TEC: variants seen among roughly 807,000 people sequenced by gnomAD.
TEC encodes tec protein tyrosine kinase.
TEC carries 72 observed loss-of-function variants against 93.0 expected under a neutral mutation model. The ratio of observed to expected loss-of-function variants is 0.77; its 90% confidence interval spans 0.64 to 0.94. The LOEUF (loss-of-function observed/expected upper bound fraction) is 0.94, where lower values mean the gene tolerates loss of function less well. Ranked by LOEUF, TEC falls within the 40% of genes least tolerant of loss-of-function variation. The pLI, the probability that TEC is intolerant of heterozygous loss-of-function variation, is 0.00. For synonymous variants in TEC, 249 were observed against 247.7 expected, an observed-to-expected ratio of 1.01 and a Z score of -0.05; for missense variants, 630 against 757.9, an observed-to-expected ratio of 0.83 and a Z score of 1.98.
intron 2 of TEC, among the ~76,000 whole-genome samples, chr4:48,178,568 C>T (rs1474086948): frequency 6.6e-6 from 1 of 152,104 alleles, no homozygotes; most frequent in East Asian, 1.9e-4. Flanking sequence ...TGAAAGGGTA[C>T]ATTTTGGGTA....
Position 48,137,384 on chromosome 4 carries a change from T to C in TEC, c.*32A>G, listed in dbSNP as rs1467308697. 3 of 1,578,294 alleles carry C rather than the reference T, an allele frequency of 1.9e-6. No homozygotes were observed. The highest frequency in any genetic ancestry group is 2.6e-6 in the Non-Finnish European group (3 of 1,150,038). The stretch of plus-strand genomic sequence containing the variant: ...CAAAATGCCCATCCTTCCTTGTGCT[T>C]GGGAATCTGGGAGCCACTGGTCACA... On this transcript the variant is annotated 3_prime_UTR_variant, in exon 18 of 18. Coordinates refer to ENST00000381501, the MANE Select transcript of TEC (RefSeq NM_003215.3).
chr4:48,192,005 A>T (rs1722109736), intron 2 of TEC, among the ~76,000 whole-genome samples: 1 of 152,214 alleles, frequency 6.6e-6, no homozygotes, highest in Admixed American at 6.5e-5. Context: ...ATGCTAGATA[A>T]TGCACTAAGC....
chr4:48,235,903 G>GT (rs1723769986), intron 1 of TEC, among the ~76,000 whole-genome samples: 2 of 152,102 alleles, frequency 1.3e-5, no homozygotes, highest in African/African-American at 4.8e-5. Context: ...ACATCACAAG[G>GT]TAAGAATAAG....
Position 48,182,877 on chromosome 4 carries a change from G to A in TEC, c.139-6691C>T, listed in dbSNP as rs568719070. On this transcript the variant is annotated intron_variant, in intron 2 of 17. Coordinates refer to ENST00000381501, the MANE Select transcript of TEC (RefSeq NM_003215.3). ...TATACAAATAACCAGGCTGGTCTCA[G>A]GTGATCTGAGAAGTCATTTATCTCA... Among the ~76,000 whole-genome samples the A allele has an allele frequency of 3.3e-5, 5 of 152,268 alleles. No individual in the cohort carries two copies. The South Asian group carries it at 1.0e-3, about 32-fold the overall frequency.
At chr4:48,179,208 C>T (rs1158836433) in intron 2 of TEC, among the ~76,000 whole-genome samples, 1 of 151,594 alleles carries the variant, frequency 6.6e-6, no homozygotes, top group Admixed American at 6.6e-5. Context: ...GCTTTTAATC[C>T]TCACAGCTGC....
chr4:48,234,642 T>C (rs771355451), intron 1 of TEC, among the ~76,000 whole-genome samples: 1 of 152,302 alleles, frequency 6.6e-6, no homozygotes. Flanking sequence ...ATCACAGGTA[T>C]GCTACAGAGT....
intron 1 of TEC, among the ~76,000 whole-genome samples, chr4:48,255,301 C>T (rs1724313090): frequency 6.6e-6 from 1 of 152,120 alleles, no homozygotes; most frequent in Non-Finnish European, 1.5e-5. Context: ...CAGGTTAAAT[C>T]CCAGAGGAAG....
intron 12 of TEC, 32 bp downstream of exon 12, chr4:48,146,293 A>G (rs1719903444): frequency 6.2e-7 from 1 of 1,601,502 alleles, no homozygotes. Flanking sequence ...TTCAAGGAAA[A>G]TTAGCTCATG....
chr4:48,212,127 A>ATATG (rs1722932089), intron 2 of TEC, among the ~76,000 whole-genome samples: 1 of 145,470 alleles, frequency 6.9e-6, no homozygotes, highest in Non-Finnish European at 1.5e-5. Flanking sequence ...ATATATATAT[A>ATATG]TATATGTATA....
chr4:48,174,495 C>T (rs1387346660), intron 3 of TEC, among the ~76,000 whole-genome samples: 1 of 152,012 alleles, frequency 6.6e-6, no homozygotes, highest in East Asian at 1.9e-4. Flanking sequence ...CCTGTCTCTA[C>T]TAAAAATACA....
At chr4:48,152,209 T>A (rs1720200958) in intron 9 of TEC, among the ~76,000 whole-genome samples, 1 of 152,082 alleles carries the variant, frequency 6.6e-6, no homozygotes, top group Non-Finnish European at 1.5e-5. Context: ...GCAGATCAGT[T>A]GAGGTCGTGA....
At chr4:48,246,798 T>C (rs1344266761) in intron 1 of TEC, among the ~76,000 whole-genome samples, 1 of 152,192 alleles carries the variant, frequency 6.6e-6, no homozygotes, top group East Asian at 1.9e-4. Context: ...ATTGTAGAAC[T>C]CTTAGAAGAA....
At chr4:48,216,548 G>A (rs1192586677) in intron 2 of TEC, among the ~76,000 whole-genome samples, 1 of 151,856 alleles carries the variant, frequency 6.6e-6, no homozygotes, top group African/African-American at 2.4e-5. Context: ...TTCAAATTAA[G>A]ACAATTTTTT....
intron 8 of TEC, among the ~76,000 whole-genome samples, chr4:48,163,125 G>A (rs935727612): frequency 1.3e-5 from 2 of 152,064 alleles, no homozygotes; most frequent in South Asian, 2.1e-4. Flanking sequence ...GCCTGGTTAT[G>A]TCTCTAAGGC....
At position 48,179,379 on chromosome 4, in the gene TEC, T is replaced by A. The variant is rs1381095655; in HGVS notation, c.139-3193A>T. Reference sequence around the variant, plus strand: ...ATATATATATATATATATATATATTTTTTTTTTTTTTTTTTTTTTTTCAAG... The same window carrying A: ...ATATATATATATATATATATATATTATTTTTTTTTTTTTTTTTTTTTCAAG... On this transcript the variant is annotated intron_variant, in intron 2 of 17. Transcript: ENST00000381501. 2.1e-3 allele frequency among the ~76,000 whole-genome samples: 188 copies of A among 87,776 alleles called. 1 individual carries two copies. The highest frequency in any genetic ancestry group is 8.2e-3 in the African/African-American group (160 of 19,446). The allele number at this position is 87,776 out of a possible 152,430, so 57.6% of individuals were successfully genotyped here.
chr4:48,209,425 G>A (rs1259582963), intron 2 of TEC, among the ~76,000 whole-genome samples: 3 of 151,252 alleles, frequency 2.0e-5, no homozygotes, highest in African/African-American at 7.3e-5. Flanking sequence ...AACATAGAGA[G>A]AGCTCATCTC....
intron 2 of TEC, among the ~76,000 whole-genome samples, chr4:48,217,385 A>C (rs1723116964): frequency 6.6e-6 from 1 of 152,206 alleles, no homozygotes; most frequent in African/African-American, 2.4e-5. Flanking sequence ...TACAGGCGTG[A>C]GATACCGCGC....
chr4:48,151,799 T>C (rs1720180282), intron 9 of TEC, among the ~76,000 whole-genome samples: 1 of 152,164 alleles, frequency 6.6e-6, no homozygotes, highest in African/African-American at 2.4e-5. Flanking sequence ...ATATCAGCCT[T>C]TACAAAAGGA....
At position 48,146,309 on chromosome 4, in the gene TEC, A is replaced by C; in HGVS notation, c.1081+16T>G. On this transcript the variant is annotated intron_variant, in intron 12 of 17. Transcript: ENST00000381501. ...TCAAGGAAAATTAGCTCATGCAACCACAAAATAAGAGTTACCATAGCTGAA... is the reference window on the plus strand; with the variant it reads ...TCAAGGAAAATTAGCTCATGCAACCCCAAAATAAGAGTTACCATAGCTGAA... The C allele has an allele frequency of 6.2e-7, 1 of 1,610,914 alleles. No homozygotes were observed. The highest frequency in any genetic ancestry group is 8.5e-7 in the Non-Finnish European group (1 of 1,178,726).
Sources: gnomAD v4.1 joint callset for allele counts (sites outside exome capture counted in the v4.1 genomes callset) on GRCh38, gnomAD v4.1.1 for gene constraint, MANE v1.5 for transcripts, NCBI Gene and HGNC (gene_info 2026-07-23, HGNC 2026-07-21) for gene names.